TBX5: variants seen among roughly 807,000 people sequenced by gnomAD.
The protein encoded by TBX5 is T-box transcription factor TBX5.
A neutral mutation model predicts 51.1 loss-of-function variants in TBX5; 8 were observed. That is an observed-to-expected ratio of 0.16 (90% CI 0.09 to 0.28). The LOEUF (loss-of-function observed/expected upper bound fraction) is 0.28. Among genes scored for constraint, TBX5 ranks in the 10% least tolerant of loss-of-function variants. The pLI, the probability that TBX5 is intolerant of heterozygous loss-of-function variation, is 1.00. For synonymous variants in TBX5, 302 were observed against 266.4 expected, an observed-to-expected ratio of 1.13 and a Z score of -1.30; for missense variants, 589 against 671.7, an observed-to-expected ratio of 0.88 and a Z score of 1.36.
At position 114,394,892 on chromosome 12, in the gene TBX5, A is replaced by G. The variant is rs1283803846; in HGVS notation, c.512T>C (p.Ile171Thr). The G allele has an allele frequency of 6.2e-7, 1 of 1,613,186 alleles. No homozygotes were observed. Among genetic ancestry groups the G allele is most frequent in the African/African-American group, 1.3e-5 (1 of 74,870 alleles). ...GTATTTGTGCATGGAATTTAGAATA[A>G]TCTAAAAATAATAAAGAAAATGAGA... ...TNNHLDPFGH[I>T]ILNSMHKYQP... The change falls in exon 6 of 9, where the codon ATT (isoleucine) becomes ACT (threonine). Residue 171 changes from isoleucine to threonine, a missense_variant and splice_region_variant. Physicochemically the swap from Ile to Thr is moderately conservative, Grantham distance 89. This residue lies in a region of TBX5 where 20 missense variants were observed against 50.9 expected (regional missense o/e 0.39). Transcript: ENST00000405440.
At position 114,402,151 on chromosome 12, in the gene TBX5, C is replaced by A. The variant is rs117427226; in HGVS notation, c.148-231G>T. Among the ~76,000 whole-genome samples, 3,478 of 152,284 alleles carry A rather than the reference C, an allele frequency of 0.023. 65 individuals carry two copies. Among genetic ancestry groups the A allele is most frequent in the South Asian group, 0.055 (267 of 4,824 alleles). ...TGAGGGTTGCAACAACCACTTGAAC[C>A]CACAGTGCTGTATTGTCTGCTTCTA... On this transcript the variant is annotated intron_variant, in intron 2 of 8. Coordinates refer to ENST00000405440, the MANE Select transcript of TBX5 (RefSeq NM_181486.4).
intron 8 of TBX5, among the ~76,000 whole-genome samples, chr12:114,358,422 T>C (rs1869036229): frequency 6.6e-6 from 1 of 152,132 alleles, no homozygotes; most frequent in South Asian, 2.1e-4. Flanking sequence ...TTGGACTGGT[T>C]TGTAAAATAG....
chr12:114,366,698 G>A (rs1869560387), intron 7 of TBX5, among the ~76,000 whole-genome samples: 1 of 152,090 alleles, frequency 6.6e-6, no homozygotes, highest in Non-Finnish European at 1.5e-5. Flanking sequence ...AACACACATG[G>A]TATTTTGAAA....
At chr12:114,367,537 T>C (rs1381185457) in intron 7 of TBX5, among the ~76,000 whole-genome samples, 28 of 151,974 alleles carry the variant, frequency 1.8e-4, no homozygotes, top group Admixed American at 1.8e-3. Flanking sequence ...TTTTTTTTCC[T>C]CAGAAGGACT....
chr12:114,359,753 A>G (rs542476660), intron 8 of TBX5, among the ~76,000 whole-genome samples: 1 of 152,340 alleles, frequency 6.6e-6, no homozygotes, highest in African/African-American at 2.4e-5. Context: ...TCGCCATGTG[A>G]CTGGATGAAT....
chr12:114,360,454 G>A (rs1869170130), intron 8 of TBX5, among the ~76,000 whole-genome samples: 2 of 151,546 alleles, frequency 1.3e-5, no homozygotes, highest in South Asian at 2.1e-4. Flanking sequence ...ATGGATGGGT[G>A]GTTGGATGGG....
chr12:114,366,197 T>A lies in TBX5; in HGVS notation c.950A>T (p.His317Leu). 6.2e-7 allele frequency: 1 copy of A among 1,614,184 alleles called. No homozygotes were observed. Among genetic ancestry groups the A allele is most frequent in the South Asian group, 1.1e-5 (1 of 91,088 alleles). ...CTTGGTACAATGGTAAATTTGGCTA[T>A]GCTCCTGGGGCAGTGGGTATGGGTT... Reference protein sequence around the residue: ...PPNPYPLPQEHSQIYHCTKRK... With the variant: ...PPNPYPLPQELSQIYHCTKRK... The change falls in exon 8 of 9, where the codon CAT becomes CTT. Residue 317 changes from histidine (H) to leucine (L), a missense_variant. This residue lies in a region of TBX5 where 348 missense variants were observed against 360.4 expected (regional missense o/e 0.97). Transcript: ENST00000405440.
At chr12:114,371,609 T>A (rs1869914427) in intron 7 of TBX5, among the ~76,000 whole-genome samples, 1 of 147,738 alleles carries the variant, frequency 6.8e-6, no homozygotes, top group South Asian at 2.2e-4. Context: ...TTTTTTTTCC[T>A]GGTGATCCTT....
chr12:114,357,054 G>A (rs771014808), intron 8 of TBX5, among the ~76,000 whole-genome samples: 13 of 152,214 alleles, frequency 8.5e-5, no homozygotes, highest in Non-Finnish European at 1.5e-4. Context: ...ATGCATGGAT[G>A]AGTGGGAGGG....
rs1254396658 is a variant in TBX5, at chr12:114,355,616, A to G, written c.1473T>C (p.His491=). The G allele has an allele frequency of 1.9e-6, 3 of 1,614,168 alleles. No homozygotes were observed. The highest frequency in any genetic ancestry group is 2.2e-5 in the South Asian group (2 of 91,080). The change falls in exon 9 of 9, where the codon CAT becomes CAC. Residue 491 remains histidine (H), a synonymous_variant. Transcript: ENST00000405440. ...TLQPPEFLYS[H]GVPRTLSPHQ... ...GAGGGGATAGAGTCCTTGGCACGCC[A>G]TGAGAGTAGAGGAACTCAGGGGGCT...
intron 6 of TBX5, among the ~76,000 whole-genome samples, chr12:114,385,846 T>TTC (rs1870785141): frequency 6.6e-6 from 1 of 151,684 alleles, no homozygotes. Context: ...GGTTCTTTTT[T>TTC]TTTTTTTTCC....
intron 6 of TBX5, among the ~76,000 whole-genome samples, chr12:114,394,406 A>T (rs1871309378): frequency 6.6e-6 from 1 of 152,226 alleles, no homozygotes; most frequent in Non-Finnish European, 1.5e-5. Flanking sequence ...CACCAGAGCC[A>T]TTAAGCAACC....
At chr12:114,362,056 A>G (rs1869270702) in intron 8 of TBX5, among the ~76,000 whole-genome samples, 1 of 152,092 alleles carries the variant, frequency 6.6e-6, no homozygotes. Context: ...AAATCCACAA[A>G]GAAGTGGGGT....
rs2136357606 is a variant in TBX5, at chr12:114,354,417, A to T, written c.*1115T>A. The T allele has an allele frequency of 6.6e-6, 1 of 152,170 alleles. No homozygotes were observed. The highest frequency in any genetic ancestry group is 1.9e-4 in the East Asian group (1 of 5,178). 9.4% of individuals were successfully genotyped at this position (152,170 alleles called of 1,614,324 possible). ...TAATACTGTTTTCGGCTTTCAGTAA[A>T]CACAGTTTTGTGTTGGCATTGGTGT... On this transcript the variant is annotated 3_prime_UTR_variant, in exon 9 of 9. Transcript: ENST00000405440.
chr12:114,397,654 G>T (rs1270704522), intron 5 of TBX5, among the ~76,000 whole-genome samples: 1 of 152,128 alleles, frequency 6.6e-6, no homozygotes, highest in Admixed American at 6.5e-5. Context: ...TCAATACCCT[G>T]CATTCAGTTT....
At chr12:114,394,348 G>A (rs1051561375) in intron 6 of TBX5, among the ~76,000 whole-genome samples, 17 of 152,196 alleles carry the variant, frequency 1.1e-4, no homozygotes, top group African/African-American at 4.1e-4. Flanking sequence ...AGGCAGAGAG[G>A]AGAAAACTGA....
chr12:114,399,920 G>C (rs1871701730), intron 3 of TBX5, among the ~76,000 whole-genome samples: 2 of 152,200 alleles, frequency 1.3e-5, no homozygotes, highest in African/African-American at 4.8e-5. Flanking sequence ...TGCTTCAAAG[G>C]GACCTCCATT....
chr12:114,362,585 C>T (rs1027094719), intron 8 of TBX5, among the ~76,000 whole-genome samples: 2 of 152,222 alleles, frequency 1.3e-5, no homozygotes, highest in Non-Finnish European at 2.9e-5. Context: ...CCCTGATTGC[C>T]TACCCTAGAC....
At chr12:114,362,231 CA>C (rs1352689591) in intron 8 of TBX5, among the ~76,000 whole-genome samples, 2 of 152,194 alleles carry the variant, frequency 1.3e-5, no homozygotes, top group Admixed American at 6.5e-5. Context: ...GCTATCATAG[CA>C]CAGTGACTGC....
Sources: allele counts gnomAD v4.1 joint callset (sites outside exome capture counted in the v4.1 genomes callset), GRCh38; gene constraint gnomAD v4.1.1; regional missense constraint gnomAD v4.1.1; transcripts MANE v1.5; gene names NCBI Gene and HGNC (gene_info 2026-07-23, HGNC 2026-07-21).